SH3GL2: variants seen among roughly 807,000 people sequenced by gnomAD.
SH3GL2 encodes SH3 domain containing GRB2 like 2, endophilin A1, also known as endophilin-A1.
Under a neutral mutation model 46.0 loss-of-function variants are expected in SH3GL2, and 24 were observed. The ratio of observed to expected loss-of-function variants is 0.52; its 90% CI spans 0.38 to 0.73. The LOEUF (loss-of-function observed/expected upper bound fraction) is 0.73. SH3GL2 is among the 30% of genes least tolerant of loss of function. The probability of loss-of-function intolerance (pLI) is 0.00; values close to 1 mark genes in which losing one functional copy is unlikely to be tolerated. For synonymous variants in SH3GL2, 196 were observed against 147.1 expected (o/e 1.33, Z -2.40); for missense variants, 413 against 424.2 (o/e 0.97, Z 0.23).
chr9:17,794,790 C>G (rs1824232611), intron 8 of SH3GL2, among the ~76,000 whole-genome samples: 2 of 152,132 alleles, frequency 1.3e-5, no homozygotes, highest in African/African-American at 4.8e-5. Context: ...TATGCCATAG[C>G]TCCAGTGCAC....
intron 1 of SH3GL2, among the ~76,000 whole-genome samples, chr9:17,731,532 G>A (rs1269578106): frequency 2.0e-5 from 3 of 151,990 alleles, no homozygotes; most frequent in Admixed American, 1.3e-4. Context: ...CAGTGAGAAG[G>A]CAAAGGCAGC....
chr9:17,719,823 T>C (rs566526406), intron 1 of SH3GL2, among the ~76,000 whole-genome samples: 1 of 151,812 alleles, frequency 6.6e-6, no homozygotes, highest in South Asian at 2.1e-4. Context: ...GTAATGCCCT[T>C]GTGCTACTGG....
intron 1 of SH3GL2, among the ~76,000 whole-genome samples, chr9:17,710,260 C>G (rs537421005): frequency 6.6e-6 from 1 of 152,018 alleles, no homozygotes; most frequent in East Asian, 1.9e-4. Context: ...TGTTTGCATC[C>G]CTTTCTGTCA....
At chr9:17,754,373 C>G (rs1328631431) in intron 2 of SH3GL2, among the ~76,000 whole-genome samples, 1 of 151,954 alleles carries the variant, frequency 6.6e-6, no homozygotes, top group African/African-American at 2.4e-5. Context: ...GTTTGTAGTT[C>G]TTCTTGTAAA....
At position 17,700,409 on chromosome 9, in the gene SH3GL2, C is replaced by T. The variant is rs185936884; in HGVS notation, c.46-46657C>T. Among the ~76,000 whole-genome samples the T allele has an allele frequency of 5.6e-4, 86 of 152,290 alleles. 1 individual carries two copies. In the East Asian group the frequency reaches 0.015, roughly 26 times the overall value. The stretch of plus-strand genomic sequence containing the variant: ...CAAGCTAAAACTTCCTAAAGCAATA[C>T]CCTAAGACTCAGTTGTGAACTGAAA... On this transcript the variant is annotated intron_variant, in intron 1 of 8. Transcript: ENST00000380607.
intron 1 of SH3GL2, among the ~76,000 whole-genome samples, chr9:17,654,730 G>T (rs1200707655): frequency 6.6e-6 from 1 of 152,192 alleles, no homozygotes; most frequent in Non-Finnish European, 1.5e-5. Context: ...GTGTGAACAA[G>T]AAATAGCATG....
chr9:17,730,452 C>A (rs373485501), intron 1 of SH3GL2, among the ~76,000 whole-genome samples: 7 of 152,216 alleles, frequency 4.6e-5, no homozygotes, highest in African/African-American at 1.7e-4. Context: ...CACTTTATTT[C>A]TTTCTCTTGC....
rs974116282 is a variant in SH3GL2, at chr9:17,751,480, G to A, written c.114+4346G>A. ...TTGGTGTGTGTGTTTTTGTGTGTGCGTGTGTGTGTGTGTGTGTGTGTGTGT... is the reference window on the plus strand; with the variant it reads ...TTGGTGTGTGTGTTTTTGTGTGTGCATGTGTGTGTGTGTGTGTGTGTGTGT... On this transcript the variant is annotated intron_variant, in intron 2 of 8. Transcript: ENST00000380607. Among the ~76,000 whole-genome samples, 24 of 52,066 alleles carry A rather than the reference G, an allele frequency of 4.6e-4. 1 individual carries two copies. The highest frequency in any genetic ancestry group is 1.6e-3 in the Admixed American group (7 of 4,296). The allele number at this position is 52,066 out of a possible 152,430, so 34.2% of individuals were successfully genotyped here.
chr9:17,749,247 A>C (rs1216303688), intron 2 of SH3GL2, among the ~76,000 whole-genome samples: 28 of 152,204 alleles, frequency 1.8e-4, no homozygotes, highest in Admixed American at 1.8e-3. Context: ...TAGTTCTGGA[A>C]ATAATATTTT....
intron 1 of SH3GL2, among the ~76,000 whole-genome samples, chr9:17,614,358 C>CT (rs1818939832): frequency 7.2e-6 from 1 of 138,636 alleles, no homozygotes; most frequent in Non-Finnish European, 1.5e-5. Context: ...ATTAGCATAG[C>CT]TAGGCTAGCC....
chr9:17,676,199 T>A (rs745719784), intron 1 of SH3GL2, among the ~76,000 whole-genome samples: 1 of 152,212 alleles, frequency 6.6e-6, no homozygotes, highest in East Asian at 1.9e-4. Context: ...TAATATCTAA[T>A]CTTAGTCTTT....
At chr9:17,718,177 GA>G (rs1310547711) in intron 1 of SH3GL2, among the ~76,000 whole-genome samples, 7 of 152,222 alleles carry the variant, frequency 4.6e-5, no homozygotes, top group African/African-American at 1.7e-4. Context: ...CAGAGAAATA[GA>G]AAACAATTTT....
intron 7 of SH3GL2, 122 bp from the exon 8 acceptor site, chr9:17,793,245 C>T (rs763215026): frequency 9.3e-6 from 8 of 861,334 alleles, no homozygotes; most frequent in African/African-American, 1.7e-5. Flanking sequence ...TTTTTGATTT[C>T]CCACACTTCA....
At chr9:17,643,267 A>G (rs1448905968) in intron 1 of SH3GL2, among the ~76,000 whole-genome samples, 1 of 152,200 alleles carries the variant, frequency 6.6e-6, no homozygotes, top group Admixed American at 6.5e-5. Flanking sequence ...GAAGTTGCTT[A>G]TCAGCTTAAG....
In SH3GL2 at chr9:17,787,457, C is replaced by T; in HGVS notation, c.409C>T (p.Gln137Ter). ...VKDSLDIEVK[Q>*]NFIDPLQNLH... is the part of the protein sequence containing the mutation. ...AGACTCTTTGGACATAGAAGTGAAG[C>T]AGAACTTCATTGACCCTCTTCAGAA... Residue 137 changes from glutamine to a stop codon, truncating the protein, a stop_gained, in exon 5 of 9, where the codon CAG becomes TAG. Coordinates refer to ENST00000380607, the MANE Select transcript of SH3GL2 (RefSeq NM_003026.5). LOFTEE classifies it high-confidence loss of function. The T allele has an allele frequency of 1.2e-6, 2 of 1,612,338 alleles. No homozygotes were observed. The highest frequency in any genetic ancestry group is 1.7e-6 in the Non-Finnish European group (2 of 1,178,490).
intron 1 of SH3GL2, among the ~76,000 whole-genome samples, chr9:17,715,498 T>G (rs563736682): frequency 3.3e-5 from 5 of 152,060 alleles, no homozygotes; most frequent in Admixed American, 3.3e-4. Flanking sequence ...ATTATTTTCT[T>G]TCTTTTTTTG....
rs1043446187 is a variant in SH3GL2 at position 17,786,478 on chromosome 9, G to A, written c.285G>A (p.Glu95=). ...CTCAGGCAGAGGCGCTGCTGGCAGA[G>A]GCCATGCTCAAATTTGGAAGAGAGC... The part of the protein sequence containing the change: ...GYPQAEALLA[E]AMLKFGRELG... Residue 95 remains glutamate (E), a synonymous_variant, in exon 4 of 9, where the codon GAG becomes GAA. Transcript: ENST00000380607. 1 of 1,613,412 alleles carries A rather than the reference G, an allele frequency of 6.2e-7. No homozygotes were observed. Among genetic ancestry groups the A allele is most frequent in the Non-Finnish European group, 8.5e-7 (1 of 1,179,694 alleles).
At chr9:17,768,370 C>CAAAAA (rs34891273) in intron 3 of SH3GL2, among the ~76,000 whole-genome samples, 1 of 67,206 alleles carries the variant, frequency 1.5e-5, no homozygotes, top group African/African-American at 5.3e-5. Context: ...GACTCTGTCT[C>CAAAAA]AAAAAAAAAA....
At chr9:17,752,364 T>C (rs1407260084) in intron 2 of SH3GL2, among the ~76,000 whole-genome samples, 1 of 152,226 alleles carries the variant, frequency 6.6e-6, no homozygotes, top group Non-Finnish European at 1.5e-5. Context: ...TTAACTTCAG[T>C]GACAGAAAAG....
Sources: allele counts gnomAD v4.1 joint callset (sites outside exome capture counted in the v4.1 genomes callset), GRCh38; gene constraint gnomAD v4.1.1; transcripts MANE v1.5; gene names NCBI Gene and HGNC (gene_info 2026-07-23, HGNC 2026-07-21).